The following ITSN2 variants were observed in gnomAD, a reference collection of about 807,000 sequenced individuals.
ITSN2 encodes the protein intersectin-2.
Under a neutral mutation model 243.7 loss-of-function variants are expected in ITSN2, and 156 were observed. The observed-to-expected ratio is 0.64, with a 90% CI of 0.56 to 0.73. The LOEUF is 0.73. Among genes scored for constraint, ITSN2 ranks in the 30% least tolerant of loss-of-function variants. ITSN2 has a pLI of 0.00. For synonymous variants in ITSN2, 703 were observed against 699.9 expected (o/e 1.00, Z -0.07); for missense variants, 1,801 against 1,996.1 (o/e 0.90, Z 1.86).
intron 17 of ITSN2, among the ~76,000 whole-genome samples, chr2:24,276,385 A>T (rs1678017915): frequency 6.6e-6 from 1 of 152,220 alleles, no homozygotes; most frequent in Non-Finnish European, 1.5e-5. Context: ...CAGGAGTTGA[A>T]ATAAACAACT....
chr2:24,359,691 G>T (rs1388642865), intron 1 of ITSN2, among the ~76,000 whole-genome samples: 2 of 151,914 alleles, frequency 1.3e-5, no homozygotes, highest in African/African-American at 2.4e-5. Context: ...TACATCTCTC[G>T]GTGCTTCCTG....
At chr2:24,264,166 C>G (rs1339632247) in intron 20 of ITSN2, among the ~76,000 whole-genome samples, 1 of 152,062 alleles carries the variant, frequency 6.6e-6, no homozygotes, top group Non-Finnish European at 1.5e-5. Flanking sequence ...CCGAGGGGGG[C>G]AGATCACCTG....
At position 24,216,141 on chromosome 2, in the gene ITSN2, C is replaced by T; in HGVS notation, c.3898G>A (p.Ala1300Thr). 6.2e-7 allele frequency: 1 copy of T among 1,613,090 alleles called. No individual in the cohort carries two copies. The highest frequency in any genetic ancestry group is 1.3e-5 in the African/African-American group (1 of 74,984). Residue 1300 changes from alanine (A) to threonine (T), a missense_variant, in exon 32 of 40, where the codon GCT (alanine) becomes ACT (threonine). Physicochemically the swap from Ala to Thr is moderately conservative, Grantham distance 58. Coordinates refer to ENST00000355123, the MANE Select transcript of ITSN2 (RefSeq NM_006277.3). ...TGGCAGCTGCAGAACCTGATGTAAGCCTGCATGTGGGACAGCTCAGCGGCC... is the reference window on the plus strand; with the variant it reads ...TGGCAGCTGCAGAACCTGATGTAAGTCTGCATGTGGGACAGCTCAGCGGCC... The part of the protein sequence containing the change: ...ILAAELSHMQ[A>T]YIRFCSCQLN...
In ITSN2 at chr2:24,203,248, G is replaced by A. The variant is rs1004752492; in HGVS notation, c.*378C>T. On this transcript the variant is annotated 3_prime_UTR_variant, in exon 40 of 40. Coordinates refer to ENST00000355123, the MANE Select transcript of ITSN2 (RefSeq NM_006277.3). ...CTGTGACCCAGCAGAGGTCACTGGC[G>A]TGGAATGGTTACAGCGTCACCAAAC... 5.5e-5 allele frequency: 9 copies of A among 165,118 alleles called. No homozygotes were observed. Among genetic ancestry groups the A allele is most frequent in the East Asian group, 1.6e-4 (1 of 6,066 alleles). The allele number at this position is 165,118 out of a possible 1,614,324, so 10.2% of individuals were successfully genotyped here.
intron 19 of ITSN2, 65 bp downstream of exon 19, chr2:24,271,701 C>T: frequency 7.0e-7 from 1 of 1,425,170 alleles, no homozygotes; most frequent in Middle Eastern, 2.6e-4. Flanking sequence ...CTTTTTTTGT[C>T]TCTTATCAGG....
At chr2:24,353,246 C>T (rs973429481) in intron 1 of ITSN2, among the ~76,000 whole-genome samples, 3 of 152,020 alleles carry the variant, frequency 2.0e-5, no homozygotes, top group Non-Finnish European at 2.9e-5. Context: ...AAATAATCTA[C>T]GAAAGAAGAA....
At chr2:24,326,743 T>G (rs1026675876) in intron 2 of ITSN2, 2 of 169,066 alleles carry the variant, frequency 1.2e-5, no homozygotes, top group Non-Finnish European at 2.9e-5. Flanking sequence ...AAATGACACA[T>G]GACCTCACCA....
intron 29 of ITSN2, among the ~76,000 whole-genome samples, chr2:24,222,252 C>CAAA (rs549424233): frequency 1.4e-4 from 9 of 64,962 alleles, no homozygotes; most frequent in Non-Finnish European, 1.7e-4. Flanking sequence ...ACTTCATCTC[C>CAAA]AAAAAAAAAA....
chr2:24,321,527 TTAAAAA>T (rs1169972988), intron 2 of ITSN2, among the ~76,000 whole-genome samples: 2 of 152,068 alleles, frequency 1.3e-5, no homozygotes, highest in East Asian at 3.8e-4. Context: ...AAGATTATAG[TTAAAAA>T]TAAAGAAACA....
chr2:24,217,854 C>T, intron 31 of ITSN2, 53 bp downstream of exon 31: 1 of 1,252,858 alleles, frequency 8.0e-7, no homozygotes, highest in East Asian at 2.3e-5. Context: ...GTGTGAGTCT[C>T]AGTCTGGGGG....
intron 29 of ITSN2, among the ~76,000 whole-genome samples, chr2:24,242,808 C>A (rs1388481614): frequency 6.6e-6 from 1 of 152,024 alleles, no homozygotes; most frequent in Non-Finnish European, 1.5e-5. Context: ...AGATGACAAG[C>A]CTTTAGCCAT....
intron 22 of ITSN2, among the ~76,000 whole-genome samples, chr2:24,258,571 AAAGG>A (rs1330085419): frequency 6.6e-6 from 1 of 152,088 alleles, no homozygotes; most frequent in East Asian, 1.9e-4. Flanking sequence ...CTCCTCTCTC[AAAGG>A]AAGGAGTGTT....
chr2:24,305,620 C>T (rs1233171745), intron 8 of ITSN2, among the ~76,000 whole-genome samples: 3 of 147,590 alleles, frequency 2.0e-5, no homozygotes, highest in Non-Finnish European at 3.0e-5. Flanking sequence ...AACTCCTACA[C>T]TTATTGAACA....
At chr2:24,280,509 TCTC>T (rs1678636192) in intron 17 of ITSN2, among the ~76,000 whole-genome samples, 1 of 152,174 alleles carries the variant, frequency 6.6e-6, no homozygotes, top group South Asian at 2.1e-4. Flanking sequence ...CTACCAATCT[TCTC>T]TGAACGAAAA....
intron 32 of ITSN2, among the ~76,000 whole-genome samples, chr2:24,213,287 G>A (rs1436695719): frequency 6.6e-6 from 1 of 152,176 alleles, no homozygotes; most frequent in Admixed American, 6.5e-5. Context: ...TACAGGGAGA[G>A]GCATCGTGTT....
chr2:24,260,701 A>T (rs545828161), intron 22 of ITSN2, among the ~76,000 whole-genome samples: 24 of 152,244 alleles, frequency 1.6e-4, no homozygotes, highest in African/African-American at 5.5e-4. Flanking sequence ...TGAGGTCAGG[A>T]GTTCGAGGCC....
intron 15 of ITSN2, among the ~76,000 whole-genome samples, chr2:24,288,388 A>AC (rs1008007422): frequency 1.3e-5 from 2 of 152,098 alleles, no homozygotes; most frequent in Non-Finnish European, 2.9e-5. Context: ...CTTGTAATTG[A>AC]CAAAAAATTG....
chr2:24,265,218 C>G (rs1676523228), intron 20 of ITSN2, among the ~76,000 whole-genome samples: 1 of 152,236 alleles, frequency 6.6e-6, no homozygotes, highest in Admixed American at 6.5e-5. Flanking sequence ...CTTATCAATA[C>G]TGAATCTTCC....
chr2:24,358,162 G>C lies in ITSN2; in HGVS notation c.-34+2142C>G, dbSNP rs573181246. Reference sequence around the variant, plus strand: ...CTGACCTGGTGATCCGCCCTCCTCGGCCTCCCAAAGTGCTGGGATTACAGG... The same window carrying C: ...CTGACCTGGTGATCCGCCCTCCTCGCCCTCCCAAAGTGCTGGGATTACAGG... On this transcript the variant is annotated intron_variant, in intron 1 of 39. Transcript: ENST00000355123. Among the ~76,000 whole-genome samples the C allele has an allele frequency of 1.9e-3, 290 of 152,276 alleles. 3 individuals are homozygous for C. The highest frequency in any genetic ancestry group is 6.9e-3 in the African/African-American group (288 of 41,546).
Sources: allele counts gnomAD v4.1 joint callset (sites outside exome capture counted in the v4.1 genomes callset), GRCh38; gene constraint gnomAD v4.1.1; transcripts MANE v1.5; gene names NCBI Gene and HGNC (gene_info 2026-07-23, HGNC 2026-07-21).